FBRSL1: variants seen among roughly 807,000 people sequenced by gnomAD.
FBRSL1 encodes fibrosin like 1, also known as fibrosin-1-like protein.
Under a neutral mutation model 89.6 loss-of-function variants are expected in FBRSL1, and 51 were observed. The ratio of observed to expected loss-of-function variants is 0.57; its 90% CI spans 0.45 to 0.72. FBRSL1 has a LOEUF of 0.72. Ranked by LOEUF, FBRSL1 falls within the 30% of genes least tolerant of loss-of-function variation. The probability of loss-of-function intolerance (pLI) is 0.00; values close to 1 mark genes in which losing one functional copy is unlikely to be tolerated. For missense variants in FBRSL1, 1,618 were observed against 1,451.8 expected, an observed-to-expected ratio of 1.11 and a Z score of -1.86; for synonymous variants, 779 against 681.1, an observed-to-expected ratio of 1.14 and a Z score of -2.24.
intron 14 of FBRSL1, among the ~76,000 whole-genome samples, chr12:132,575,321 G>C: frequency 6.6e-6 from 1 of 152,280 alleles, no homozygotes; most frequent in Middle Eastern, 3.4e-3. Context: ...TCCGCCTCCC[G>C]GGTTCACGCC....
At chr12:132,565,455 G>C (rs1439591563) in intron 5 of FBRSL1, 1 of 152,082 alleles carries the variant, frequency 6.6e-6, no homozygotes, top group Non-Finnish European at 1.5e-5. Context: ...GAATGTGTGT[G>C]TCCCTGTACG....
chr12:132,506,286 A>G (rs1057374273), intron 1 of FBRSL1, among the ~76,000 whole-genome samples: 5 of 152,228 alleles, frequency 3.3e-5, no homozygotes, highest in Non-Finnish European at 7.3e-5. Flanking sequence ...GAGTAACACT[A>G]GAGCAGGTTT....
chr12:132,494,775 C>T (rs1222445840), intron 1 of FBRSL1, among the ~76,000 whole-genome samples: 7 of 152,192 alleles, frequency 4.6e-5, no homozygotes, highest in African/African-American at 9.7e-5. Context: ...ACACGGGCCA[C>T]GCAGAAGGTC....
rs1297594672 is a variant in FBRSL1 at position 132,500,105 on chromosome 12, G to A, written c.292-8048G>A. Among the ~76,000 whole-genome samples the A allele has an allele frequency of 9.2e-5, 14 of 152,290 alleles. No homozygotes were observed. The East Asian group carries it at 2.1e-3, about 23-fold the overall frequency. Reference sequence around the variant, plus strand: ...CGTGGTGTCTGGCTCAGGAGGCGCCGGCACTGCCCTCTAGACTCTGCGGGA... The same window carrying A: ...CGTGGTGTCTGGCTCAGGAGGCGCCAGCACTGCCCTCTAGACTCTGCGGGA... On this transcript the variant is annotated intron_variant, in intron 1 of 18. Coordinates refer to ENST00000680143, the MANE Select transcript of FBRSL1 (RefSeq NM_001367871.1).
intron 15 of FBRSL1, among the ~76,000 whole-genome samples, chr12:132,579,720 G>A (rs1213605736): frequency 6.6e-6 from 1 of 152,156 alleles, no homozygotes; most frequent in Non-Finnish European, 1.5e-5. Context: ...CACCTGGCAG[G>A]TTTTGTCACG....
chr12:132,526,717 T>C (rs1170768532), intron 3 of FBRSL1, among the ~76,000 whole-genome samples: 3 of 152,298 alleles, frequency 2.0e-5, no homozygotes, highest in South Asian at 2.1e-4. Context: ...TTTCTTCCTC[T>C]GCCTTGCCCC....
chr12:132,578,011 C>T (rs1228181324), intron 15 of FBRSL1, among the ~76,000 whole-genome samples: 1 of 152,222 alleles, frequency 6.6e-6, no homozygotes, highest in African/African-American at 2.4e-5. Flanking sequence ...CTGGGACACT[C>T]CCCACCACAC....
intron 2 of FBRSL1, among the ~76,000 whole-genome samples, chr12:132,523,111 G>A (rs115627285): frequency 0.012 from 1,896 of 152,280 alleles, 38 homozygotes; most frequent in African/African-American, 0.042. Context: ...TCTGGCCCCA[G>A]ACGTGGACTT....
Position 132,576,653 on chromosome 12 carries a change from G to A in FBRSL1, c.1702-146G>A, listed in dbSNP as rs746914749. 93 of 915,668 alleles carry A rather than the reference G, an allele frequency of 1.0e-4. 1 individual carries two copies. The highest frequency in any genetic ancestry group is 3.9e-4 in the East Asian group (14 of 35,814). 56.7% of individuals were successfully genotyped at this position (915,668 alleles called of 1,614,324 possible). ...ATGTGTAACATTTCCGTCATCCTGA[G>A]TAGAGAATACACCCTTGAAATCCAT... On this transcript the variant is annotated intron_variant, in intron 14 of 18. Transcript: ENST00000680143.
chr12:132,583,081 G>A lies in FBRSL1; in HGVS notation c.2312G>A (p.Gly771Glu). 6.9e-7 allele frequency: 1 copy of A among 1,445,030 alleles called. No homozygotes were observed. The highest frequency in any genetic ancestry group is 9.1e-7 in the Non-Finnish European group (1 of 1,103,080). 89.5% of individuals were successfully genotyped at this position (1,445,030 alleles called of 1,614,324 possible). Residue 771 changes from glycine (G) to glutamate (E), a missense_variant, in exon 19 of 19, where the codon GGG becomes GAG. Transcript: ENST00000680143. ...LRAQSELGRSGAPAEREAEPR... is the reference protein window; with the variant it reads ...LRAQSELGRSEAPAEREAEPR... ...GCCCAGAGCGAGCTGGGCCGGTCCGGGGCCCCCGCGGAGCGCGAGGCCGAA... is the reference window on the plus strand; with the variant it reads ...GCCCAGAGCGAGCTGGGCCGGTCCGAGGCCCCCGCGGAGCGCGAGGCCGAA...
chr12:132,535,969 G>A (rs1593386881), intron 4 of FBRSL1, among the ~76,000 whole-genome samples: 1 of 151,924 alleles, frequency 6.6e-6, no homozygotes, highest in East Asian at 1.9e-4. Context: ...GCACACGTGT[G>A]TCCATGATGG....
At chr12:132,562,945 G>A (rs986033582) in intron 5 of FBRSL1, among the ~76,000 whole-genome samples, 4 of 152,006 alleles carry the variant, frequency 2.6e-5, no homozygotes, top group African/African-American at 4.8e-5. Flanking sequence ...TTTCAGATAA[G>A]AGGTGAAACA....
chr12:132,508,114 G>C, intron 1 of FBRSL1, 39 bp from the exon 2 acceptor site: 1 of 1,346,866 alleles, frequency 7.4e-7, no homozygotes, highest in Non-Finnish European at 1.0e-6. Flanking sequence ...AGGCCCTGGG[G>C]TCCCGCCAAT....
intron 5 of FBRSL1, chr12:132,560,318 A>T (rs2039008999): frequency 6.6e-6 from 1 of 151,922 alleles, no homozygotes; most frequent in South Asian, 2.1e-4. Flanking sequence ...GAAGAGCGGG[A>T]CGCCCGAGAT....
At chr12:132,510,540 TC>T in intron 2 of FBRSL1, 1 of 1,231,368 alleles carries the variant, frequency 8.1e-7, no homozygotes, top group Non-Finnish European at 1.0e-6. Flanking sequence ...GCATTGCCCT[TC>T]GGGCTGGAGA....
intron 1 of FBRSL1, among the ~76,000 whole-genome samples, chr12:132,494,523 C>T (rs773451573): frequency 7.9e-5 from 12 of 152,244 alleles, no homozygotes; most frequent in Non-Finnish European, 1.0e-4. Flanking sequence ...CGCTCGGCCC[C>T]AGTGACGCTG....
chr12:132,557,977 C>T (rs1397891014), intron 5 of FBRSL1, among the ~76,000 whole-genome samples: 4 of 152,284 alleles, frequency 2.6e-5, no homozygotes, highest in East Asian at 1.9e-4. Flanking sequence ...GGGCCAGGCA[C>T]GCAGGAAGGG....
intron 15 of FBRSL1, chr12:132,580,761 TA>T (rs1014874722): frequency 1.3e-4 from 129 of 985,088 alleles, no homozygotes; most frequent in Non-Finnish European, 1.5e-4. Context: ...GGAGTCGGAG[TA>T]ACCTAAAGAT....
chr12:132,577,580 C>T (rs139281312), intron 15 of FBRSL1, among the ~76,000 whole-genome samples: 21 of 152,098 alleles, frequency 1.4e-4, no homozygotes, highest in Non-Finnish European at 2.4e-4. Context: ...TGGGATCTGC[C>T]GGGAGCAGCG....
Sources: gnomAD v4.1 joint callset for allele counts (sites outside exome capture counted in the v4.1 genomes callset) on GRCh38, gnomAD v4.1.1 for gene constraint, MANE v1.5 for transcripts, NCBI Gene and HGNC (gene_info 2026-07-23, HGNC 2026-07-21) for gene names.